The following ANKRD17 variants were observed in gnomAD, a reference collection of about 807,000 sequenced individuals.
ANKRD17 encodes the protein ankyrin repeat domain-containing protein 17.
ANKRD17 carries 19 observed loss-of-function variants against 229.7 expected under a neutral mutation model. That is an observed-to-expected ratio of 0.08 (90% CI 0.06 to 0.12). The LOEUF (loss-of-function observed/expected upper bound fraction) is 0.12, where lower values mean the gene tolerates loss of function less well. Among genes scored for constraint, ANKRD17 ranks in the 10% least tolerant of loss-of-function variants. The pLI, the probability that ANKRD17 is intolerant of heterozygous loss-of-function variation, is 1.00. For missense variants in ANKRD17, 2,176 were observed against 3,176.8 expected (o/e 0.68, Z 7.57); for synonymous variants, 1,112 against 1,146.1 (o/e 0.97, Z 0.60).
chr4:73,104,462 G>A (rs1724375523), intron 24 of ANKRD17, among the ~76,000 whole-genome samples: 1 of 152,088 alleles, frequency 6.6e-6, no homozygotes, highest in Non-Finnish European at 1.5e-5. Flanking sequence ...GAGAGGAGGA[G>A]TGAAAGCAAA....
chr4:73,142,467 C>G, intron 12 of ANKRD17, 82 bp from the exon 13 acceptor site: 1 of 1,564,722 alleles, frequency 6.4e-7, no homozygotes, highest in Non-Finnish European at 8.6e-7. Context: ...ATAAAGCCAA[C>G]AGGTCCCAGA....
chr4:73,188,177 A>C (rs539360383), intron 1 of ANKRD17, among the ~76,000 whole-genome samples: 2 of 152,254 alleles, frequency 1.3e-5, no homozygotes, highest in African/African-American at 4.8e-5. Context: ...ACTACTTTAA[A>C]ATTTAAAAAG....
intron 15 of ANKRD17, among the ~76,000 whole-genome samples, chr4:73,137,830 T>G (rs1419474445): frequency 1.3e-5 from 2 of 152,118 alleles, no homozygotes; most frequent in African/African-American, 4.8e-5. Context: ...TACACAGAAT[T>G]GTTTTTGTTT....
At chr4:73,248,124 CTCCTT>C (rs1252533181) in intron 1 of ANKRD17, among the ~76,000 whole-genome samples, 3 of 151,956 alleles carry the variant, frequency 2.0e-5, no homozygotes, top group African/African-American at 7.2e-5. Flanking sequence ...TATAGATACT[CTCCTT>C]TCTTACTATA....
intron 3 of ANKRD17, among the ~76,000 whole-genome samples, chr4:73,159,841 G>A (rs1383036510): frequency 6.6e-6 from 1 of 152,144 alleles, no homozygotes; most frequent in Non-Finnish European, 1.5e-5. Flanking sequence ...GTCAACCTAT[G>A]AGAAGAATGG....
rs191092752 is a variant in ANKRD17, at chr4:73,085,567, G to A, written c.6962-121C>T. ...TATTTTAGATAATTAAAAAAATCCC[G>A]GCTGGGAGTGGTGGCCCACATCTGT... On this transcript the variant is annotated intron_variant, in intron 29 of 33. Coordinates refer to ENST00000358602, the MANE Select transcript of ANKRD17 (RefSeq NM_032217.5). The A allele has an allele frequency of 5.1e-3, 4,557 of 895,042 alleles. 16 individuals carry two copies. Among genetic ancestry groups the A allele is most frequent in the Non-Finnish European group, 6.5e-3 (3,910 of 603,596 alleles). 55.4% of individuals were successfully genotyped at this position (895,042 alleles called of 1,614,324 possible).
intron 1 of ANKRD17, among the ~76,000 whole-genome samples, chr4:73,222,445 T>A (rs1343953006): frequency 6.6e-6 from 1 of 152,206 alleles, no homozygotes; most frequent in African/African-American, 2.4e-5. Flanking sequence ...AATTTAATAA[T>A]TTGTTTTATA....
chr4:73,154,734 A>G (rs550999304), intron 5 of ANKRD17, among the ~76,000 whole-genome samples: 2 of 152,250 alleles, frequency 1.3e-5, no homozygotes, highest in Admixed American at 6.5e-5. Flanking sequence ...AAATCAGAAC[A>G]TGACCTTAAA....
chr4:73,121,792 T>C, intron 18 of ANKRD17, 33 bp from the exon 19 acceptor site: 1 of 1,556,136 alleles, frequency 6.4e-7, no homozygotes, highest in Non-Finnish European at 8.6e-7. Context: ...TATGTTTTCT[T>C]ATGGAGAGAC....
At chr4:73,201,481 C>A (rs1029452559) in intron 1 of ANKRD17, among the ~76,000 whole-genome samples, 3 of 150,916 alleles carry the variant, frequency 2.0e-5, no homozygotes, top group Non-Finnish European at 3.0e-5. Context: ...GTAAACAGTG[C>A]GTGAGGAAAA....
intron 29 of ANKRD17, among the ~76,000 whole-genome samples, chr4:73,087,922 G>A (rs1722368421): frequency 6.6e-6 from 1 of 151,558 alleles, no homozygotes; most frequent in African/African-American, 2.4e-5. Flanking sequence ...GACAAGACAA[G>A]AGAGGGGGAA....
At chr4:73,150,309 A>AC (rs1271530415) in intron 7 of ANKRD17, among the ~76,000 whole-genome samples, 1 of 152,120 alleles carries the variant, frequency 6.6e-6, no homozygotes, top group Non-Finnish European at 1.5e-5. Context: ...TGTTGGCTAG[A>AC]CCTACAGATT....
chr4:73,153,920 A>T lies in ANKRD17; in HGVS notation c.1194T>A (p.Asn398Lys). Residue 398 changes from asparagine (N) to lysine (K), a missense_variant, in exon 6 of 34, where the codon AAT (asparagine) becomes AAA (lysine). Around this residue, in one of 18 missense-constraint regions of ANKRD17, gnomAD observed 184 missense variants for 357.8 expected, o/e 0.51. Transcript: ENST00000358602. ...ENGAGINTHSNEFKESALTLA... is the reference protein window; with the variant it reads ...ENGAGINTHSKEFKESALTLA... ...AGGTAAGGGCACTCTCTTTAAATTC[A>T]TTAGAATGCGTATTAATGCCAGCCC... 6.2e-7 allele frequency: 1 copy of T among 1,609,316 alleles called. No homozygotes were observed. Among genetic ancestry groups the T allele is most frequent in the Non-Finnish European group, 8.5e-7 (1 of 1,177,758 alleles).
At chr4:73,119,001 C>G (rs1726359641) in intron 21 of ANKRD17, 151 bp from the exon 22 acceptor site, 1 of 783,976 alleles carries the variant, frequency 1.3e-6, no homozygotes, top group South Asian at 2.0e-5. Context: ...ATTCTCCTAC[C>G]TCAGCCTCCA....
At position 73,099,421 on chromosome 4, in the gene ANKRD17, C is replaced by T. The variant is rs116382499; in HGVS notation, c.4574-901G>A. Among the ~76,000 whole-genome samples the T allele has an allele frequency of 6.3e-3, 960 of 152,306 alleles. 11 individuals carry two copies. Among genetic ancestry groups the T allele is most frequent in the African/African-American group, 0.019 (800 of 41,558 alleles). On this transcript the variant is annotated intron_variant, in intron 25 of 33. Coordinates refer to ENST00000358602, the MANE Select transcript of ANKRD17 (RefSeq NM_032217.5). ...ACACATACACACGTACCCTCCTGGACAATGCTAACATCCCACTTAGCCACA... is the reference window on the plus strand; with the variant it reads ...ACACATACACACGTACCCTCCTGGATAATGCTAACATCCCACTTAGCCACA...
chr4:73,127,264 C>T (rs771317377), intron 16 of ANKRD17, among the ~76,000 whole-genome samples: 2 of 152,046 alleles, frequency 1.3e-5, no homozygotes, highest in Admixed American at 6.5e-5. Context: ...AGCTGTAAGT[C>T]TAACATGCCC....
rs1729418829 is a variant in ANKRD17 at position 73,140,100 on chromosome 4, T to C, written c.2516A>G (p.His839Arg). The C allele has an allele frequency of 6.2e-7, 1 of 1,614,232 alleles. No individual in the cohort carries two copies. The highest frequency in any genetic ancestry group is 8.5e-7 in the Non-Finnish European group (1 of 1,180,032). Residue 839 changes from histidine (H) to arginine (R), a missense_variant, in exon 15 of 34, where the codon CAT (histidine) becomes CGT (arginine). This residue lies in a region of ANKRD17 where 275 missense variants were observed against 386.9 expected (regional missense o/e 0.71). Transcript: ENST00000358602. ...NAQLQSLELA[H>R]ADQLTKEKIE... ...CTTCTCCTTGGTAAGTTGGTCAGCA[T>C]GAGCCAGTTCCAAGGACTGCAGCTG...
At chr4:73,097,088 TAAA>T in intron 27 of ANKRD17, 26 bp downstream of exon 27, 3 of 1,602,132 alleles carry the variant, frequency 1.9e-6, no homozygotes, top group Non-Finnish European at 2.6e-6. Flanking sequence ...ATATAGCACA[TAAA>T]AAGAATGACA....
At chr4:73,151,561 TTA>T (rs755357033) in intron 6 of ANKRD17, 37 bp from the exon 7 acceptor site, 1 of 1,352,642 alleles carries the variant, frequency 7.4e-7, no homozygotes, top group Admixed American at 2.5e-5. Flanking sequence ...TGAAAATATT[TTA>T]TTATTCCAAA....
Sources: gnomAD v4.1 joint callset for allele counts (sites outside exome capture counted in the v4.1 genomes callset) on GRCh38, gnomAD v4.1.1 for gene constraint, gnomAD v4.1.1 regional missense constraint, MANE v1.5 for transcripts, NCBI Gene and HGNC (gene_info 2026-07-23, HGNC 2026-07-21) for gene names.